Variants in COL16A1 observed in about 807,000 individuals in gnomAD.
The protein encoded by COL16A1 is collagen alpha-1(XVI) chain.
Under a neutral mutation model 266.3 loss-of-function variants are expected in COL16A1, and 189 were observed. That is an observed-to-expected ratio of 0.71 (90% CI 0.63 to 0.80). COL16A1 has a LOEUF of 0.80. Ranked by LOEUF, COL16A1 falls within the 30% of genes least tolerant of loss-of-function variation. COL16A1 has a pLI of 0.00. For missense variants in COL16A1, 1,928 were observed against 2,122.4 expected (o/e 0.91, Z 1.80); for synonymous variants, 740 against 782.3 (o/e 0.95, Z 0.90).
At chr1:31,672,322 A>T (rs1642790196) in intron 47 of COL16A1, 94 bp downstream of exon 47, 10 of 1,404,344 alleles carry the variant, frequency 7.1e-6, no homozygotes, top group Non-Finnish European at 9.9e-6. Flanking sequence ...GGTAAAGGGC[A>T]TCAGTCAGGT....
intron 2 of COL16A1, chr1:31,701,601 G>A (rs562902310): frequency 3.3e-5 from 32 of 981,836 alleles, no homozygotes; most frequent in East Asian, 1.1e-4. Context: ...TCTGGGCCTC[G>A]GGGTGGGCCT....
intron 28 of COL16A1, 50 bp downstream of exon 28, chr1:31,686,041 A>G (rs1053719022): frequency 9.9e-6 from 16 of 1,609,052 alleles, no homozygotes; most frequent in Non-Finnish European, 1.2e-5. Flanking sequence ...ACGAGTGTCT[A>G]TCTAGGAAGC....
intron 42 of COL16A1, among the ~76,000 whole-genome samples, chr1:31,675,936 C>T (rs1352253791): frequency 1.3e-5 from 2 of 152,260 alleles, no homozygotes; most frequent in East Asian, 1.9e-4. Context: ...AAATTATAGG[C>T]GTGAACCACC....
In COL16A1 at chr1:31,688,603, G is replaced by T; in HGVS notation, c.1768-101C>A. 1 of 1,474,902 alleles carries T rather than the reference G, an allele frequency of 6.8e-7. No individual in the cohort carries two copies. Among genetic ancestry groups the T allele is most frequent in the South Asian group, 1.1e-5 (1 of 88,166 alleles). 91.4% of individuals were successfully genotyped at this position (1,474,902 alleles called of 1,614,324 possible). A position where few individuals can be genotyped will look rare whatever the true frequency, so the allele number is the denominator to read the frequency against. On this transcript the variant is annotated intron_variant, in intron 25 of 70. Coordinates refer to ENST00000373672, the MANE Select transcript of COL16A1 (RefSeq NM_001856.4). This position sits in a 1 kb window ranked among gnomAD's most constrained non-coding sequence, Gnocchi z 4.9. ...AACCAGAAACAGAACGGTAAGATAG[G>T]AATTATGTCCTTCAGGTAGCTGGAC...
rs1025079550 is a variant in COL16A1, at chr1:31,657,157, C to T, written c.4021-89G>A. ...CTTTGTACATGGGGCAAGCCCAGCC[C>T]CCTGTTCCACCCAGAGGCCACGATC... On this transcript the variant is annotated intron_variant, in intron 64 of 70. Coordinates refer to ENST00000373672, the MANE Select transcript of COL16A1 (RefSeq NM_001856.4). The surrounding 1 kb of genome is among the most constrained non-coding windows in gnomAD (Gnocchi z 6.4). 11 of 1,535,078 alleles carry T rather than the reference C, an allele frequency of 7.2e-6. No homozygotes were observed. In the African/African-American group the frequency reaches 1.4e-4, roughly 19 times the overall value.
intron 20 of COL16A1, 123 bp from the exon 21 acceptor site, chr1:31,690,696 ATT>A: frequency 6.8e-7 from 1 of 1,460,524 alleles, no homozygotes; most frequent in Non-Finnish European, 9.1e-7. Flanking sequence ...TCTTGTTGCC[ATT>A]TGTTCCATTC....
chr1:31,654,086 C>G, intron 68 of COL16A1, 43 bp from the exon 69 acceptor site: 1 of 1,577,394 alleles, frequency 6.3e-7, no homozygotes, highest in South Asian at 1.2e-5. Flanking sequence ...AGAGGGTCCC[C>G]CAGGGACTCA....
chr1:31,675,152 A>G (rs1344154806), intron 43 of COL16A1, 106 bp downstream of exon 43: 8 of 1,609,680 alleles, frequency 5.0e-6, no homozygotes, highest in Non-Finnish European at 6.8e-6. Flanking sequence ...CAGAAGTGGG[A>G]GAGAAGAGGG....
Position 31,670,051 on chromosome 1 carries a change from T to A in COL16A1, c.3195+551A>T, listed in dbSNP as rs1642515713. 1 of 152,458 alleles carries A rather than the reference T, an allele frequency of 6.6e-6. No individual in the cohort carries two copies. Among genetic ancestry groups the A allele is most frequent in the Non-Finnish European group, 1.5e-5 (1 of 68,242 alleles). The allele number at this position is 152,458 out of a possible 1,614,324, so 9.4% of individuals were successfully genotyped here. On this transcript the variant is annotated intron_variant, in intron 49 of 70. Coordinates refer to ENST00000373672, the MANE Select transcript of COL16A1 (RefSeq NM_001856.4). This position sits in a 1 kb window ranked among gnomAD's most constrained non-coding sequence, Gnocchi z 4.5. ...GAAGGGCTGCCTTTAAATCCCTGGGTGCCTCTGGACAGCCCTGCCAAGCAG... is the reference window on the plus strand; with the variant it reads ...GAAGGGCTGCCTTTAAATCCCTGGGAGCCTCTGGACAGCCCTGCCAAGCAG...
At chr1:31,654,628 T>C (rs1000890257) in intron 68 of COL16A1, among the ~76,000 whole-genome samples, 164 bp downstream of exon 68, 1 of 152,144 alleles carries the variant, frequency 6.6e-6, no homozygotes, top group Non-Finnish European at 1.5e-5. Context: ...AAGGAAGGTC[T>C]GAAGGATAAT....
chr1:31,687,377 G>C (rs1644033079), intron 26 of COL16A1, among the ~76,000 whole-genome samples: 1 of 121,238 alleles, frequency 8.2e-6, no homozygotes, highest in Non-Finnish European at 1.6e-5. Context: ...GTGAGACTCA[G>C]TCTCAAAAAA....
chr1:31,685,671 C>T lies in COL16A1; in HGVS notation c.1984G>A (p.Gly662Arg), dbSNP rs377722212. The change falls in exon 29 of 71, where the codon GGG becomes AGG. Residue 662 changes from glycine to arginine, a missense_variant. Coordinates refer to ENST00000373672, the MANE Select transcript of COL16A1 (RefSeq NM_001856.4). This position sits in a 1 kb window ranked among gnomAD's most constrained non-coding sequence, Gnocchi z 4.0. ...PGPSGEKGEPGPPGFGLPGKQ... is the reference protein window; with the variant it reads ...PGPSGEKGEPRPPGFGLPGKQ... ...CCTGGCAAGCCAAAGCCTGGAGGCCCAGGTTCCCCCTTCTCTCCGGATGGG... is the reference window on the plus strand; with the variant it reads ...CCTGGCAAGCCAAAGCCTGGAGGCCTAGGTTCCCCCTTCTCTCCGGATGGG... 5 of 1,613,910 alleles carry T rather than the reference C, an allele frequency of 3.1e-6. No homozygotes were observed. The African/African-American group carries it at 5.3e-5, about 17-fold the overall frequency.
rs898862481 is a variant in COL16A1, at chr1:31,686,133, C to T, written c.1842G>A (p.Gly614=). The T allele has an allele frequency of 1.2e-6, 2 of 1,614,008 alleles. No individual in the cohort carries two copies. The highest frequency in any genetic ancestry group is 1.3e-5 in the African/African-American group (1 of 74,890). The change falls in exon 28 of 71, where the codon GGG becomes GGA. Residue 614 remains glycine (G), a splice_region_variant and synonymous_variant. Coordinates refer to ENST00000373672, the MANE Select transcript of COL16A1 (RefSeq NM_001856.4). ...FGEAGPAGSP[G]PPGPVGPAGI... ...CTGCTGGCCCCACTGGTCCTGGTGG[C>T]CCCTGCATGTTAAGACGCTACAGGT...
In COL16A1 at chr1:31,688,539, C is replaced by G. The variant is rs1405240820; in HGVS notation, c.1768-37G>C. ...CCAAGACAGAGTCTCAGCATCTCCC[C>G]ACTCCCACCTCTCCAAGGCTCCCCG... On this transcript the variant is annotated intron_variant, in intron 25 of 70. Coordinates refer to ENST00000373672, the MANE Select transcript of COL16A1 (RefSeq NM_001856.4). This position sits in a 1 kb window ranked among gnomAD's most constrained non-coding sequence, Gnocchi z 4.9. 3.1e-6 allele frequency: 5 copies of G among 1,614,056 alleles called. No individual in the cohort carries two copies. The highest frequency in any genetic ancestry group is 4.2e-6 in the Non-Finnish European group (5 of 1,179,956).
chr1:31,676,346 C>G (rs1449118240), intron 42 of COL16A1, among the ~76,000 whole-genome samples: 1 of 150,248 alleles, frequency 6.7e-6, no homozygotes, highest in African/African-American at 2.5e-5. Context: ...AAAAAAAGAA[C>G]CCAGAGGAGT....
In COL16A1 at chr1:31,690,514, A is replaced by G; in HGVS notation, c.1482+15T>C. 4 of 1,613,922 alleles carry G rather than the reference A, an allele frequency of 2.5e-6. No homozygotes were observed. The highest frequency in any genetic ancestry group is 3.4e-6 in the Non-Finnish European group (4 of 1,179,900). ...GGAAGAGCCGACCCTCCCCCGCTGG[A>G]TTGGTGTCACTCACAGGTTTCCCAC... On this transcript the variant is annotated intron_variant, in intron 21 of 70. Coordinates refer to ENST00000373672, the MANE Select transcript of COL16A1 (RefSeq NM_001856.4).
chr1:31,697,145 C>CTCCAG lies in COL16A1; in HGVS notation c.739-62_739-58dup. ...TACAGGAGCAGACTCCTCCTAAGAC[C>CTCCAG]TCCAGGCATCACCTTCCAGACCCTC... On this transcript the variant is annotated intron_variant, in intron 7 of 70. Coordinates refer to ENST00000373672, the MANE Select transcript of COL16A1 (RefSeq NM_001856.4). The surrounding 1 kb of genome is among the most constrained non-coding windows in gnomAD (Gnocchi z 4.2). 6.2e-7 allele frequency: 1 copy of CTCCAG among 1,612,778 alleles called. No homozygotes were observed. Among genetic ancestry groups the CTCCAG allele is most frequent in the Non-Finnish European group, 8.5e-7 (1 of 1,179,100 alleles).
rs1181702841 is a variant in COL16A1 at position 31,680,040 on chromosome 1, A to G, written c.2670+2T>C. 6.2e-7 allele frequency: 1 copy of G among 1,613,712 alleles called. No homozygotes were observed. Among genetic ancestry groups the G allele is most frequent in the African/African-American group, 1.3e-5 (1 of 74,922 alleles). ...GGGGAAGGCTCTCACAGCGCCACTT[A>G]CCGGCATGCCAGAGAAGATGAGGTC... On this transcript the variant is annotated splice_donor_variant, in intron 40 of 70. Transcript: ENST00000373672. LOFTEE classifies it high-confidence loss of function.
rs754014900 is a variant in COL16A1, at chr1:31,698,157, T to C, written c.406A>G (p.Asn136Asp). Residue 136 changes from asparagine to aspartate, a missense_variant, in exon 6 of 71, where the codon AAC (asparagine) becomes GAC (aspartate). This residue lies in a region of COL16A1 where 1,552 missense variants were observed against 1,637.2 expected (regional missense o/e 0.95). Transcript: ENST00000373672. The surrounding 1 kb of genome is among the most constrained non-coding windows in gnomAD (Gnocchi z 4.1). ...NGYPQISLEV[N>D]SQERSLELRA... is the part of the protein sequence containing the mutation. ...AGCTCCAGGCTCCGCTCTTGGCTGT[T>C]GACTTCCAGGGATATCTGGGTAGAA... The C allele has an allele frequency of 2.5e-6, 4 of 1,613,786 alleles. No homozygotes were observed. The highest frequency in any genetic ancestry group is 1.3e-5 in the African/African-American group (1 of 75,064).
Sources: gnomAD v4.1 joint callset for allele counts (sites outside exome capture counted in the v4.1 genomes callset) on GRCh38, gnomAD v4.1.1 for gene constraint, gnomAD v4.1.1 regional missense constraint, Gnocchi (gnomAD v3.1) non-coding constraint, MANE v1.5 for transcripts, NCBI Gene and HGNC (gene_info 2026-07-23, HGNC 2026-07-21) for gene names.